The following NDUFA12 variants were observed in gnomAD, a reference collection of about 807,000 sequenced individuals.
The protein encoded by NDUFA12 is NADH dehydrogenase [ubiquinone] 1 alpha subcomplex subunit 12.
A neutral mutation model predicts 20.3 loss-of-function variants in NDUFA12; 17 were observed. That is an observed-to-expected ratio of 0.84 (90% confidence interval 0.57 to 1.26). The LOEUF (loss-of-function observed/expected upper bound fraction) is 1.26, where lower values mean the gene tolerates loss of function less well. Ranked by LOEUF, NDUFA12 falls within the 50% of genes most tolerant of loss-of-function variation. The pLI is 0.00. For synonymous variants in NDUFA12, 72 were observed against 63.6 expected, an observed-to-expected ratio of 1.13 and a Z score of -0.63; for missense variants, 191 against 183.7, an observed-to-expected ratio of 1.04 and a Z score of -0.23.
At chr12:94,994,376 A>G (rs1874751250) in intron 2 of NDUFA12, 119 bp from the exon 3 acceptor site, 3 of 742,208 alleles carry the variant, frequency 4.0e-6, no homozygotes. Flanking sequence ...TATATAAGAG[A>G]GCTATTGGAG....
At chr12:94,997,056 C>A in intron 2 of NDUFA12, 1 of 285,266 alleles carries the variant, frequency 3.5e-6, no homozygotes, top group Non-Finnish European at 6.8e-6. Flanking sequence ...TTAAAAATAT[C>A]ATAACTAGGT....
intron 3 of NDUFA12, among the ~76,000 whole-genome samples, chr12:94,971,974 A>G (rs144778243): frequency 0.016 from 2,358 of 152,098 alleles, 68 homozygotes; most frequent in African/African-American, 0.053. Context: ...CCAGGCTGGA[A>G]TGAAGTAGCA....
At chr12:94,992,517 C>T (rs1874677275) in intron 3 of NDUFA12, among the ~76,000 whole-genome samples, 1 of 152,226 alleles carries the variant, frequency 6.6e-6, no homozygotes, top group South Asian at 2.1e-4. Context: ...TGACATGCCT[C>T]CATCAAGAGA....
At chr12:94,981,404 C>T (rs1426468) in intron 3 of NDUFA12, among the ~76,000 whole-genome samples, 132,307 of 152,178 alleles carry the variant, frequency 0.87, 57,615 homozygotes, top group Admixed American at 0.9. Flanking sequence ...GCCAAGATCG[C>T]ACCACTGAAC....
chr12:94,996,302 T>C (rs1874827872), intron 2 of NDUFA12, among the ~76,000 whole-genome samples: 1 of 141,620 alleles, frequency 7.1e-6, no homozygotes, highest in African/African-American at 2.7e-5. Context: ...ACCAAATATA[T>C]ATAAATACAT....
chr12:94,979,300 G>GA (rs1220141333), intron 3 of NDUFA12, among the ~76,000 whole-genome samples: 1 of 152,104 alleles, frequency 6.6e-6, no homozygotes. Context: ...AATAGTTGTT[G>GA]AATCAGTGAA....
chr12:94,971,390 T>C lies in NDUFA12; in HGVS notation c.*50A>G, dbSNP rs1249853312. 6.5e-7 allele frequency: 1 copy of C among 1,545,676 alleles called. No homozygotes were observed. Among genetic ancestry groups the C allele is most frequent in the Non-Finnish European group, 8.9e-7 (1 of 1,118,064 alleles). On this transcript the variant is annotated 3_prime_UTR_variant, in exon 4 of 4. Transcript: ENST00000327772. ...TGAATGGTAAACAGTAAAAGAGTAA[T>C]TACATGAAAAGCTCCATATTTTGCA...
Position 95,003,609 on chromosome 12 carries a change from T to G in NDUFA12, c.72A>C (p.Leu24=), listed in dbSNP as rs1191564684. Residue 24 remains leucine (L), a synonymous_variant, in exon 1 of 4, where the codon CTA becomes CTC. Transcript: ENST00000327772. ...TGGCCGCCTACCTGAAAAAAACCCG[T>G]AGATAGCCTCGGAGACCGCCGTGGC... The part of the protein sequence containing the change: ...ITGHGGLRGY[L]RVFFRTNDAK... The G allele has an allele frequency of 6.2e-7, 1 of 1,614,068 alleles. No individual in the cohort carries two copies. The highest frequency in any genetic ancestry group is 2.2e-5 in the East Asian group (1 of 44,856).
At chr12:95,000,166 G>T (rs1290382798) in intron 2 of NDUFA12, among the ~76,000 whole-genome samples, 1 of 152,166 alleles carries the variant, frequency 6.6e-6, no homozygotes, top group African/African-American at 2.4e-5. Flanking sequence ...AGCAATAATG[G>T]CCTTTGCAGC....
chr12:94,971,534 A>G lies in NDUFA12; in HGVS notation c.344T>C (p.Phe115Ser), dbSNP rs748785747. 7 of 1,614,174 alleles carry G rather than the reference A, an allele frequency of 4.3e-6. No homozygotes were observed. In the East Asian group the frequency reaches 1.6e-4, roughly 36 times the overall value. Reference sequence around the variant, plus strand: ...TTGTTCTGGGGTGCCAGTCACGTTGAATTTATGGTTCGTCCAAATGAATTT... The same window carrying G: ...TTGTTCTGGGGTGCCAGTCACGTTGGATTTATGGTTCGTCCAAATGAATTT... Reference protein sequence around the residue: ...ARKFIWTNHKFNVTGTPEQYV... With the variant: ...ARKFIWTNHKSNVTGTPEQYV... The change falls in exon 4 of 4, where the codon TTC becomes TCC. Residue 115 changes from phenylalanine (F) to serine (S), a missense_variant. Phe to Ser is a radical substitution (Grantham distance 155). Transcript: ENST00000327772.
At chr12:95,003,194 G>A (rs909062664) in intron 1 of NDUFA12, among the ~76,000 whole-genome samples, 1 of 152,180 alleles carries the variant, frequency 6.6e-6, no homozygotes, top group Non-Finnish European at 1.5e-5. Flanking sequence ...AAACTATGCT[G>A]CTCGTGGGAT....
At chr12:94,986,210 C>T (rs777340870) in intron 3 of NDUFA12, among the ~76,000 whole-genome samples, 20 of 151,754 alleles carry the variant, frequency 1.3e-4, no homozygotes, top group African/African-American at 3.2e-4. Context: ...CACTGAACTC[C>T]AGCCTGGGAG....
chr12:94,996,427 G>A (rs913677011), intron 2 of NDUFA12, among the ~76,000 whole-genome samples: 4 of 150,668 alleles, frequency 2.7e-5, no homozygotes, highest in African/African-American at 9.8e-5. Flanking sequence ...TCCCACCTTA[G>A]CCTCCCAAAG....
At chr12:94,984,736 A>AGAAAC (rs36013656) in intron 3 of NDUFA12, among the ~76,000 whole-genome samples, 1 of 74,136 alleles carries the variant, frequency 1.3e-5, no homozygotes, top group African/African-American at 5.5e-5. Context: ...ACAACAAAAA[A>AGAAAC]CCCATATATA....
intron 3 of NDUFA12, among the ~76,000 whole-genome samples, chr12:94,989,255 G>C (rs920405681): frequency 6.6e-6 from 1 of 152,118 alleles, no homozygotes; most frequent in African/African-American, 2.4e-5. Flanking sequence ...TATAAAGGAT[G>C]TTTTTCTGCC....
chr12:94,975,846 C>G (rs1262937697), intron 3 of NDUFA12, among the ~76,000 whole-genome samples: 1 of 151,976 alleles, frequency 6.6e-6, no homozygotes, highest in Admixed American at 6.6e-5. Context: ...GCCATGAGTT[C>G]GAGACCAGCC....
chr12:94,985,619 T>C (rs1278060323), intron 3 of NDUFA12, among the ~76,000 whole-genome samples: 8 of 67,072 alleles, frequency 1.2e-4, no homozygotes, highest in Admixed American at 2.3e-4. Flanking sequence ...AGAACAAGAC[T>C]CCATCTCAAA....
intron 3 of NDUFA12, among the ~76,000 whole-genome samples, chr12:94,987,910 C>T (rs1268531493): frequency 6.6e-6 from 1 of 151,664 alleles, no homozygotes; most frequent in Non-Finnish European, 1.5e-5. Flanking sequence ...CCTCCCTATA[C>T]CAGAAGGAAA....
chr12:94,987,193 A>G (rs766505832), intron 3 of NDUFA12, among the ~76,000 whole-genome samples: 1 of 152,204 alleles, frequency 6.6e-6, no homozygotes, highest in Non-Finnish European at 1.5e-5. Flanking sequence ...AGTGACAGGA[A>G]TGTCACAGAA....
Sources: gnomAD v4.1 joint callset for allele counts (sites outside exome capture counted in the v4.1 genomes callset) on GRCh38, gnomAD v4.1.1 for gene constraint, MANE v1.5 for transcripts, NCBI Gene and HGNC (gene_info 2026-07-23, HGNC 2026-07-21) for gene names.